Variants in ERCC6L2 observed in about 807,000 individuals in gnomAD.
The protein encoded by ERCC6L2 is ERCC excision repair 6 like 2.
Under a neutral mutation model 132.0 loss-of-function variants are expected in ERCC6L2, and 77 were observed. The observed-to-expected ratio is 0.58, with a 90% CI of 0.49 to 0.71. ERCC6L2 has a LOEUF of 0.71. Among genes scored for constraint, ERCC6L2 ranks in the 30% least tolerant of loss-of-function variants. The probability of loss-of-function intolerance (pLI) is 0.00; values close to 1 mark genes in which losing one functional copy is unlikely to be tolerated. For missense variants in ERCC6L2, 1,542 were observed against 1,837.6 expected, an observed-to-expected ratio of 0.84 and a Z score of 2.94; for synonymous variants, 583 against 632.4, an observed-to-expected ratio of 0.92 and a Z score of 1.17.
chr9:95,936,308 A>T (rs927905329), intron 11 of ERCC6L2, among the ~76,000 whole-genome samples: 1 of 152,148 alleles, frequency 6.6e-6, no homozygotes, highest in African/African-American at 2.4e-5. Flanking sequence ...GAAGTATTAG[A>T]TGTAGCTCAT....
intron 1 of ERCC6L2, 51 bp downstream of exon 1, chr9:95,876,135 G>T: frequency 1.3e-6 from 2 of 1,506,986 alleles, no homozygotes; most frequent in Non-Finnish European, 1.8e-6. Context: ...ACTGCGTCGC[G>T]TTGGACCAGT....
At position 95,997,045 on chromosome 9, in the gene ERCC6L2, C is replaced by T. The variant is rs142331877; in HGVS notation, c.3493-7475C>T. 3.6e-3 allele frequency among the ~76,000 whole-genome samples: 543 copies of T among 152,246 alleles called. 5 individuals are homozygous for T. The highest frequency in any genetic ancestry group is 0.013 in the African/African-American group (521 of 41,532). On this transcript the variant is annotated intron_variant, in intron 17 of 18. Coordinates refer to ENST00000653738, the MANE Select transcript of ERCC6L2 (RefSeq NM_020207.7). ...ACCAGGAGTTCAAGGCCAGCCTGGT[C>T]CACTTGGTGAGACTCCATCTCTAAA...
intron 13 of ERCC6L2, among the ~76,000 whole-genome samples, chr9:95,964,268 C>T (rs1832048727): frequency 6.6e-6 from 1 of 152,134 alleles, no homozygotes; most frequent in Admixed American, 6.6e-5. Context: ...TTGAATATCA[C>T]TATTTATTTG....
chr9:95,964,059 G>A (rs542205223), intron 13 of ERCC6L2, among the ~76,000 whole-genome samples: 16 of 152,224 alleles, frequency 1.1e-4, no homozygotes, highest in African/African-American at 2.9e-4. Context: ...AGACCTGCAC[G>A]CATAACCCTT....
At chr9:95,915,564 A>G in intron 4 of ERCC6L2, 104 bp from the exon 5 acceptor site, 2 of 1,256,972 alleles carry the variant, frequency 1.6e-6, no homozygotes, top group Non-Finnish European at 2.2e-6. Context: ...GTAAAAAGGA[A>G]AAAATAATTC....
At position 95,875,861 on chromosome 9, in the gene ERCC6L2, C is replaced by G. The variant is rs1041631675; in HGVS notation, c.-178C>G. The G allele has an allele frequency of 1.6e-6, 1 of 637,620 alleles. No homozygotes were observed. Among genetic ancestry groups the G allele is most frequent in the Non-Finnish European group, 2.7e-6 (1 of 365,740 alleles). 39.5% of individuals were successfully genotyped at this position (637,620 alleles called of 1,614,324 possible). The stretch of plus-strand genomic sequence containing the variant: ...CGTTCTGCTTGGGTCCCCTTAGTCG[C>G]TACCTTTGCTGGGATCCCCCTCCTC... On this transcript the variant is annotated 5_prime_UTR_variant, in exon 1 of 19. Transcript: ENST00000653738.
At chr9:95,909,481 A>G (rs75283164) in intron 4 of ERCC6L2, among the ~76,000 whole-genome samples, 1 of 151,990 alleles carries the variant, frequency 6.6e-6, no homozygotes. Flanking sequence ...CACCTTGGGC[A>G]ACTACTGATT....
intron 17 of ERCC6L2, among the ~76,000 whole-genome samples, chr9:96,001,875 G>C (rs1209634822): frequency 2.0e-5 from 3 of 152,368 alleles, no homozygotes; most frequent in Middle Eastern, 3.4e-3. Context: ...TGGGAAGGCA[G>C]CCAAGGCCCG....
intron 3 of ERCC6L2, among the ~76,000 whole-genome samples, chr9:95,904,378 A>G (rs139119948): frequency 2.0e-5 from 3 of 152,192 alleles, no homozygotes; most frequent in South Asian, 2.1e-4. Context: ...AATACCTTCT[A>G]TTTTCTAGGT....
chr9:96,028,718 T>C (rs922248630), intron 19 of ERCC6L2, among the ~76,000 whole-genome samples: 2 of 152,218 alleles, frequency 1.3e-5, no homozygotes, highest in Non-Finnish European at 2.9e-5. Flanking sequence ...AAGTTCTGTT[T>C]CTTGCAACTA....
rs551484659 is a variant in ERCC6L2, at chr9:95,941,990, A to C, written c.1847+441A>C. On this transcript the variant is annotated intron_variant, in intron 12 of 18. Transcript: ENST00000653738. ...TATGTGGGAGTAGACAGAGTGCATCATTCTGGGAAATTGATAATGTCCTGA... is the reference window on the plus strand; with the variant it reads ...TATGTGGGAGTAGACAGAGTGCATCCTTCTGGGAAATTGATAATGTCCTGA... 2.6e-5 allele frequency among the ~76,000 whole-genome samples: 4 copies of C among 152,322 alleles called. No individual in the cohort carries two copies. In the South Asian group the frequency reaches 6.2e-4, roughly 24 times the overall value.
At chr9:96,011,311 C>T (rs1046357901) in intron 18 of ERCC6L2, among the ~76,000 whole-genome samples, 1 of 152,222 alleles carries the variant, frequency 6.6e-6, no homozygotes, top group African/African-American at 2.4e-5. Context: ...GGTTCTCTGG[C>T]ATCTCTTCTA....
chr9:95,912,977 A>C (rs1250461120), intron 4 of ERCC6L2, among the ~76,000 whole-genome samples: 2 of 152,178 alleles, frequency 1.3e-5, no homozygotes, highest in Non-Finnish European at 2.9e-5. Flanking sequence ...TTCAGGAAGT[A>C]CCTAATGTCA....
chr9:95,887,202 G>A (rs896119855), intron 2 of ERCC6L2, among the ~76,000 whole-genome samples: 11 of 152,030 alleles, frequency 7.2e-5, no homozygotes, highest in African/African-American at 2.7e-4. Flanking sequence ...TGGGTTGGGG[G>A]GGAGAAACAA....
intron 3 of ERCC6L2, among the ~76,000 whole-genome samples, chr9:95,905,434 A>C (rs1211931902): frequency 6.6e-6 from 1 of 152,206 alleles, no homozygotes; most frequent in Non-Finnish European, 1.5e-5. Context: ...GACTCTTTAG[A>C]TTCATTGGCA....
At chr9:95,958,373 T>C (rs1211344702) in intron 13 of ERCC6L2, among the ~76,000 whole-genome samples, 2 of 152,122 alleles carry the variant, frequency 1.3e-5, no homozygotes, top group African/African-American at 2.4e-5. Flanking sequence ...ATATACCCAG[T>C]AATGGGATGG....
chr9:96,036,862 G>C (rs1834526011), intron 19 of ERCC6L2, among the ~76,000 whole-genome samples: 1 of 148,088 alleles, frequency 6.8e-6, no homozygotes, highest in South Asian at 2.1e-4. Context: ...CGCCTCCCGG[G>C]TTCACGCCAT....
intron 2 of ERCC6L2, among the ~76,000 whole-genome samples, chr9:95,882,833 ATTGT>A (rs1318486681): frequency 6.6e-6 from 1 of 152,186 alleles, no homozygotes; most frequent in Non-Finnish European, 1.5e-5. Flanking sequence ...GTGCTAAATG[ATTGT>A]TTGTGGAATA....
chr9:95,963,835 T>C (rs995634853), intron 13 of ERCC6L2, among the ~76,000 whole-genome samples: 6 of 152,136 alleles, frequency 3.9e-5, no homozygotes, highest in African/African-American at 1.4e-4. Context: ...CCAAGCAGTA[T>C]TGGCAGGAAT....
Sources: gnomAD v4.1 joint callset for allele counts (sites outside exome capture counted in the v4.1 genomes callset) on GRCh38, gnomAD v4.1.1 for gene constraint, MANE v1.5 for transcripts, NCBI Gene and HGNC (gene_info 2026-07-23, HGNC 2026-07-21) for gene names.